The following DTD2 variants were observed in gnomAD, a reference collection of about 807,000 sequenced individuals.
DTD2 encodes the protein D-aminoacyl-tRNA deacylase 2.
DTD2 carries 12 observed loss-of-function variants against 15.5 expected under a neutral mutation model. That is an observed-to-expected ratio of 0.77 (90% CI 0.50 to 1.25). The LOEUF is 1.25. Ranked by LOEUF, DTD2 falls within the 50% of genes most tolerant of loss-of-function variation. The pLI, the probability that DTD2 is intolerant of heterozygous loss-of-function variation, is 0.00. For synonymous variants in DTD2, 59 were observed against 77.3 expected (o/e 0.76, Z 1.24); for missense variants, 170 against 201.1 (o/e 0.85, Z 0.93).
At chr14:31,453,771 CTCTT>C (rs1258299509) in intron 1 of DTD2, among the ~76,000 whole-genome samples, 2 of 152,210 alleles carry the variant, frequency 1.3e-5, no homozygotes, top group Non-Finnish European at 2.9e-5. Context: ...GACATCATCT[CTCTT>C]TATTTCCCCT....
At chr14:31,455,943 T>A (rs1424410561) in intron 1 of DTD2, among the ~76,000 whole-genome samples, 2 of 151,914 alleles carry the variant, frequency 1.3e-5, no homozygotes, top group African/African-American at 4.8e-5. Flanking sequence ...TCACAAAAAA[T>A]CATGACAAAA....
intron 2 of DTD2, chr14:31,452,099 T>C (rs1407647849): frequency 6.6e-6 from 1 of 152,156 alleles, no homozygotes; most frequent in African/African-American, 2.4e-5. Flanking sequence ...TCCATGTCCT[T>C]GGAGGAGGTG....
At chr14:31,453,156 T>G (rs891826653) in intron 2 of DTD2, 119 bp downstream of exon 2, 1 of 901,024 alleles carries the variant, frequency 1.1e-6, no homozygotes, top group Non-Finnish European at 1.8e-6. Context: ...CCAGGCTGGC[T>G]TCTAACTCCT....
At position 31,447,079 on chromosome 14, in the gene DTD2, T is replaced by G. The variant is rs890434062; in HGVS notation, c.*1050A>C. On this transcript the variant is annotated 3_prime_UTR_variant, in exon 3 of 3. Coordinates refer to ENST00000310850, the MANE Select transcript of DTD2 (RefSeq NM_080664.3). ...TCAAGTAAAGATTCTTAAAGTAATG[T>G]AAAACATTTGAATGTCCCTGGAAAG... The G allele has an allele frequency of 4.6e-5, 7 of 152,196 alleles. No homozygotes were observed. Among genetic ancestry groups the G allele is most frequent in the African/African-American group, 1.7e-4 (7 of 41,440 alleles). The allele number at this position is 152,196 out of a possible 1,614,324, so 9.4% of individuals were successfully genotyped here.
chr14:31,455,753 T>G (rs1356515170), intron 1 of DTD2, among the ~76,000 whole-genome samples: 3 of 151,420 alleles, frequency 2.0e-5, no homozygotes, highest in Non-Finnish European at 4.4e-5. Context: ...GGCTAATTTT[T>G]GTATTTTTAG....
chr14:31,455,439 T>C (rs1247942892), intron 1 of DTD2, among the ~76,000 whole-genome samples: 6 of 147,652 alleles, frequency 4.1e-5, no homozygotes, highest in African/African-American at 1.5e-4. Context: ...TGGTCCCAGC[T>C]GCTTGGGAGG....
intron 2 of DTD2, 34 bp downstream of exon 2, chr14:31,453,241 C>T: frequency 6.2e-7 from 1 of 1,605,958 alleles, no homozygotes; most frequent in Admixed American, 1.7e-5. Context: ...CTTGGCCTCT[C>T]ACTCTTAAAA....
intron 1 of DTD2, among the ~76,000 whole-genome samples, chr14:31,453,782 C>T (rs1278981189): frequency 6.6e-6 from 1 of 152,140 alleles, no homozygotes; most frequent in Non-Finnish European, 1.5e-5. Flanking sequence ...TCTTTATTTC[C>T]CCTAATCCAT....
At chr14:31,456,365 G>A (rs1387642597) in intron 1 of DTD2, among the ~76,000 whole-genome samples, 2 of 151,928 alleles carry the variant, frequency 1.3e-5, no homozygotes. Flanking sequence ...CAGCCTGGGC[G>A]ACAGATCGAG....
chr14:31,456,092 G>A (rs1285438306), intron 1 of DTD2, among the ~76,000 whole-genome samples: 2 of 152,038 alleles, frequency 1.3e-5, no homozygotes, highest in African/African-American at 2.4e-5. Flanking sequence ...TAGTTCACGG[G>A]TACTATTTAC....
At chr14:31,452,464 G>A (rs546267438) in intron 2 of DTD2, 1 of 152,318 alleles carries the variant, frequency 6.6e-6, no homozygotes, top group African/African-American at 2.4e-5. Flanking sequence ...TGCTGCAGAT[G>A]TTTTAAAAAA....
chr14:31,451,523 T>C (rs1207011091), intron 2 of DTD2, among the ~76,000 whole-genome samples: 7 of 152,146 alleles, frequency 4.6e-5, no homozygotes, highest in African/African-American at 1.4e-4. Flanking sequence ...AGGTTCCTTA[T>C]TATCTTCTGG....
chr14:31,455,411 C>A (rs185412448), intron 1 of DTD2, among the ~76,000 whole-genome samples: 1 of 151,134 alleles, frequency 6.6e-6, no homozygotes, highest in Non-Finnish European at 1.5e-5. Context: ...ATTAGCCAGG[C>A]GTGGTGGTGG....
chr14:31,453,297 A>G lies in DTD2; in HGVS notation c.159T>C (p.Asp53=). 2 of 1,614,052 alleles carry G rather than the reference A, an allele frequency of 1.2e-6. No individual in the cohort carries two copies. Among genetic ancestry groups the G allele is most frequent in the South Asian group, 2.2e-5 (2 of 91,082 alleles). Residue 53 remains aspartate, a synonymous_variant, in exon 2 of 3, where the codon GAT becomes GAC. Coordinates refer to ENST00000310850, the MANE Select transcript of DTD2 (RefSeq NM_080664.3). ...VIYVCFFKGA[D]KELLPKMVNT... Reference sequence around the variant, plus strand: ...TACCCATTTTGGGAAGAAGTTCTTTATCAGCTCCCTTGAAAAAGCACACGT... The same window carrying G: ...TACCCATTTTGGGAAGAAGTTCTTTGTCAGCTCCCTTGAAAAAGCACACGT...
At chr14:31,449,207 A>T (rs1042041409) in intron 2 of DTD2, among the ~76,000 whole-genome samples, 1 of 152,178 alleles carries the variant, frequency 6.6e-6, no homozygotes, top group Non-Finnish European at 1.5e-5. Context: ...TCTTCTTTAT[A>T]ATGGAATATC....
chr14:31,451,187 G>A (rs1293869341), intron 2 of DTD2, among the ~76,000 whole-genome samples: 4 of 138,836 alleles, frequency 2.9e-5, no homozygotes, highest in Admixed American at 7.7e-5. Flanking sequence ...TCCCTCTGTC[G>A]CCCAGGCTGG....
In DTD2 at chr14:31,447,120, T is replaced by C. The variant is rs1028278206; in HGVS notation, c.*1009A>G. ...CCCTGGAAAGTAATATAACACACAA[T>C]AACCCTTCTATATTACATATATATC... On this transcript the variant is annotated 3_prime_UTR_variant, in exon 3 of 3. Transcript: ENST00000310850. 1.3e-5 allele frequency: 2 copies of C among 152,152 alleles called. No homozygotes were observed. The highest frequency in any genetic ancestry group is 2.9e-5 in the Non-Finnish European group (2 of 68,024). 9.4% of individuals were successfully genotyped at this position (152,152 alleles called of 1,614,324 possible).
At position 31,448,410 on chromosome 14, in the gene DTD2, T is replaced by C. The variant is rs868811639; in HGVS notation, c.226A>G (p.Lys76Glu). 3 of 1,613,600 alleles carry C rather than the reference T, an allele frequency of 1.9e-6. No homozygotes were observed. The African/African-American group carries it at 4.0e-5, about 22-fold the overall frequency. The change falls in exon 3 of 3, where the codon AAG (lysine) becomes GAG (glutamate). Residue 76 changes from lysine (K) to glutamate (E), a missense_variant. Transcript: ENST00000310850. ...GGTAGATCCAATATAGAGACATGCT[T>C]GCCATTTTCTGTCTCACTTAATTTC... ...NVKLSETENG[K>E]HVSILDLPGN...
At chr14:31,456,947 T>C in intron 1 of DTD2, 1 of 292,902 alleles carries the variant, frequency 3.4e-6, no homozygotes, top group Non-Finnish European at 6.5e-6. Context: ...CCTACAAGCT[T>C]GCCCCCGACC....
Sources: gnomAD v4.1 joint callset for allele counts (sites outside exome capture counted in the v4.1 genomes callset) on GRCh38, gnomAD v4.1.1 for gene constraint, MANE v1.5 for transcripts, NCBI Gene and HGNC (gene_info 2026-07-23, HGNC 2026-07-21) for gene names.